Variants in DYM observed in about 807,000 individuals in gnomAD.
DYM encodes the protein dyggve-Melchior-Clausen syndrome protein.
DYM carries 78 observed loss-of-function variants against 93.1 expected under a neutral mutation model. The observed-to-expected ratio is 0.84, with a 90% CI of 0.70 to 1.01. DYM has a LOEUF of 1.01. DYM is among the 50% of genes least tolerant of loss of function. The probability of loss-of-function intolerance (pLI) is 0.00; values close to 1 mark genes in which losing one functional copy is unlikely to be tolerated. For synonymous variants in DYM, 321 were observed against 319.7 expected (o/e 1.00, Z -0.04); for missense variants, 789 against 845.0 (o/e 0.93, Z 0.82).
At chr18:49,209,506 A>G (rs2146099392) in intron 14 of DYM, 45 bp downstream of exon 14, 2 of 1,235,970 alleles carry the variant, frequency 1.6e-6, no homozygotes, top group Non-Finnish European at 2.1e-6. Context: ...TGTCAGTCAT[A>G]TACAACATGC....
chr18:49,062,259 G>A (rs2076042166), intron 17 of DYM, among the ~76,000 whole-genome samples: 1 of 152,190 alleles, frequency 6.6e-6, no homozygotes, highest in Admixed American at 6.5e-5. Flanking sequence ...CTGATTGTCA[G>A]CCCTATAAAT....
At chr18:49,357,769 G>C (rs576291676) in intron 6 of DYM, among the ~76,000 whole-genome samples, 1 of 152,278 alleles carries the variant, frequency 6.6e-6, no homozygotes, top group African/African-American at 2.4e-5. Flanking sequence ...AAGAGCCCTT[G>C]TTTTCATGGA....
intron 1 of DYM, among the ~76,000 whole-genome samples, chr18:49,442,789 G>T (rs1462557412): frequency 6.6e-6 from 1 of 151,080 alleles, no homozygotes; most frequent in African/African-American, 2.4e-5. Context: ...TTTTCTCATT[G>T]CCTAAATCAT....
intron 17 of DYM, among the ~76,000 whole-genome samples, chr18:49,066,132 C>T (rs1484396456): frequency 2.0e-5 from 3 of 148,326 alleles, no homozygotes; most frequent in Non-Finnish European, 4.5e-5. Context: ...CGTTTTTTGC[C>T]ATATAGCAAA....
chr18:49,064,955 TGCTAA>T (rs1485496406), intron 17 of DYM, among the ~76,000 whole-genome samples: 2 of 151,670 alleles, frequency 1.3e-5, no homozygotes, highest in East Asian at 1.9e-4. Context: ...CCCCAAGGGT[TGCTAA>T]GCTATTAACA....
At chr18:49,428,707 A>G (rs1040097539) in intron 2 of DYM, among the ~76,000 whole-genome samples, 5 of 152,142 alleles carry the variant, frequency 3.3e-5, no homozygotes, top group Non-Finnish European at 5.9e-5. Context: ...AGTGGTTGCT[A>G]GTGCAATCTA....
intron 16 of DYM, among the ~76,000 whole-genome samples, chr18:49,099,022 G>A (rs1357438509): frequency 2.0e-5 from 3 of 152,048 alleles, no homozygotes; most frequent in African/African-American, 4.8e-5. Flanking sequence ...AATTTTGTTG[G>A]TAAAAAAATG....
At chr18:49,098,107 T>C (rs1021768863) in intron 16 of DYM, among the ~76,000 whole-genome samples, 4 of 152,154 alleles carry the variant, frequency 2.6e-5, no homozygotes, top group African/African-American at 9.7e-5. Context: ...ATTCTGGAAA[T>C]ACACGGTCCC....
At chr18:49,128,015 C>T (rs1181173141) in intron 15 of DYM, among the ~76,000 whole-genome samples, 1 of 152,214 alleles carries the variant, frequency 6.6e-6, no homozygotes, top group Non-Finnish European at 1.5e-5. Context: ...TCAACCACAA[C>T]ACTCTGGAAA....
At chr18:49,391,123 A>G (rs2147884147) in intron 3 of DYM, among the ~76,000 whole-genome samples, 1 of 152,334 alleles carries the variant, frequency 6.6e-6, no homozygotes, top group Non-Finnish European at 1.5e-5. Flanking sequence ...CCTTATCCTC[A>G]ATCTATATGA....
chr18:49,304,435 G>C (rs1285800982), intron 8 of DYM, among the ~76,000 whole-genome samples: 4 of 152,132 alleles, frequency 2.6e-5, no homozygotes, highest in Non-Finnish European at 5.9e-5. Flanking sequence ...CTTCATCCCA[G>C]CCCTTCCACT....
At chr18:49,106,102 T>G (rs972481383) in intron 16 of DYM, among the ~76,000 whole-genome samples, 3 of 152,218 alleles carry the variant, frequency 2.0e-5, no homozygotes, top group Non-Finnish European at 2.9e-5. Context: ...CTGTATTGGG[T>G]GCATATATAT....
intron 8 of DYM, among the ~76,000 whole-genome samples, chr18:49,290,083 AC>A (rs1367192163): frequency 3.3e-5 from 5 of 151,192 alleles, no homozygotes; most frequent in Admixed American, 3.3e-4. Flanking sequence ...TTTTTTCTAT[AC>A]CAAGGAATAC....
intron 8 of DYM, among the ~76,000 whole-genome samples, chr18:49,305,348 C>T (rs533361557): frequency 4.6e-5 from 7 of 152,298 alleles, no homozygotes; most frequent in African/African-American, 1.4e-4. Flanking sequence ...CCACAAATCT[C>T]AAGTGCACCC....
At chr18:49,104,311 G>C (rs1172348396) in intron 16 of DYM, among the ~76,000 whole-genome samples, 1 of 152,074 alleles carries the variant, frequency 6.6e-6, no homozygotes, top group Non-Finnish European at 1.5e-5. Context: ...GGAGATTTTG[G>C]GCTGAGATGA....
At chr18:49,289,746 T>TATATATATATATATATATATATATATAC (rs2059940718) in intron 8 of DYM, among the ~76,000 whole-genome samples, 1 of 42,864 alleles carries the variant, frequency 2.3e-5, no homozygotes, top group Admixed American at 2.8e-4. Flanking sequence ...TATATATATA[T>TATATATATATATATATATATATATATAC]ATATATATAT....
At chr18:49,328,413 C>T (rs886409024) in intron 8 of DYM, among the ~76,000 whole-genome samples, 1 of 152,024 alleles carries the variant, frequency 6.6e-6, no homozygotes, top group Admixed American at 6.6e-5. Flanking sequence ...AGGAGGACTC[C>T]AAGCAACTGT....
intron 15 of DYM, among the ~76,000 whole-genome samples, chr18:49,145,617 A>G (rs2085041833): frequency 6.6e-6 from 1 of 152,184 alleles, no homozygotes; most frequent in Non-Finnish European, 1.5e-5. Context: ...AACAGATACA[A>G]ATGAGTATCA....
At chr18:49,147,223 GACCT>G (rs2085262335) in intron 15 of DYM, among the ~76,000 whole-genome samples, 1 of 152,092 alleles carries the variant, frequency 6.6e-6, no homozygotes, top group Non-Finnish European at 1.5e-5. Context: ...TTAGATGTTA[GACCT>G]AAAACCATAA....
Sources: allele counts gnomAD v4.1 joint callset (sites outside exome capture counted in the v4.1 genomes callset), GRCh38; gene constraint gnomAD v4.1.1; transcripts MANE v1.5; gene names NCBI Gene and HGNC (gene_info 2026-07-23, HGNC 2026-07-21).